Variants in TMEM150C observed in about 807,000 individuals in gnomAD.
The protein encoded by TMEM150C is transmembrane protein 150C.
In TMEM150C, 10 loss-of-function variants were observed where a neutral mutation model predicts 29.9. The observed-to-expected ratio is 0.33, with a 90% CI of 0.21 to 0.57. TMEM150C has a LOEUF of 0.57. Ranked by LOEUF, TMEM150C falls within the 20% of genes least tolerant of loss-of-function variation. The pLI is 0.88. For missense variants in TMEM150C, 251 were observed against 303.6 expected (o/e 0.83, Z 1.29); for synonymous variants, 101 against 112.5 (o/e 0.90, Z 0.64).
intron 1 of TMEM150C, among the ~76,000 whole-genome samples, chr4:82,514,853 G>T (rs12506540): frequency 0.095 from 14,434 of 151,870 alleles, 968 homozygotes; most frequent in African/African-American, 0.19. Flanking sequence ...GAGCCCCTTC[G>T]CCCCTCACTG....
chr4:82,501,951 T>C (rs1443314344), intron 5 of TMEM150C, among the ~76,000 whole-genome samples: 1 of 152,120 alleles, frequency 6.6e-6, no homozygotes, highest in African/African-American at 2.4e-5. Flanking sequence ...GTGGGAAGGA[T>C]GGGCTGTCTT....
chr4:82,489,197 G>C (rs1723255236), intron 7 of TMEM150C, among the ~76,000 whole-genome samples: 1 of 151,556 alleles, frequency 6.6e-6, no homozygotes, highest in South Asian at 2.1e-4. Context: ...CCACTCCATG[G>C]AATGAGTGAC....
intron 6 of TMEM150C, chr4:82,495,430 G>C (rs1402170702): frequency 3.2e-6 from 1 of 314,142 alleles, no homozygotes; most frequent in Non-Finnish European, 6.1e-6. Flanking sequence ...GACAGAGCGA[G>C]ACTCCGTCTC....
rs1205655037 is a variant in TMEM150C, at chr4:82,503,130, G to A, written c.81-18C>T. On this transcript the variant is annotated intron_variant, in intron 2 of 7. Transcript: ENST00000449862. ...TGAAGTATCTATCAAAAAAGAATAA[G>A]TTTATAGAACAAAGAAATTGGAAAA... The A allele has an allele frequency of 1.3e-6, 2 of 1,547,134 alleles. No individual in the cohort carries two copies. The highest frequency in any genetic ancestry group is 8.9e-7 in the Non-Finnish European group (1 of 1,129,392).
rs916096012 is a variant in TMEM150C at position 82,514,894 on chromosome 4, GA to G, written c.-10-10228del. Among the ~76,000 whole-genome samples the G allele has an allele frequency of 6.0e-5, 9 of 151,152 alleles. 1 individual carries two copies. Among genetic ancestry groups the G allele is most frequent in the African/African-American group, 9.7e-5 (4 of 41,132 alleles). ...AAATAGCCACCATGGACTGTTATGT[GA>G]AAAAAAAATTCATTTTTAAGCCACA... On this transcript the variant is annotated intron_variant, in intron 1 of 7. Transcript: ENST00000449862.
chr4:82,535,030 G>C (rs1488893030), intron 1 of TMEM150C, among the ~76,000 whole-genome samples: 1 of 152,222 alleles, frequency 6.6e-6, no homozygotes, highest in East Asian at 1.9e-4. Context: ...AATTGTTTCT[G>C]TGTCAATTCT....
In TMEM150C at chr4:82,553,940, C is replaced by T. The variant is rs537995363; in HGVS notation, c.-11+7966G>A. Among the ~76,000 whole-genome samples the T allele has an allele frequency of 9.9e-5, 15 of 152,258 alleles. No homozygotes were observed. The East Asian group carries it at 2.7e-3, about 27-fold the overall frequency. On this transcript the variant is annotated intron_variant, in intron 1 of 7. Coordinates refer to ENST00000449862, the MANE Select transcript of TMEM150C (RefSeq NM_001080506.3). ...TTTCATATAAATCAATTTTATGCCA[C>T]ATATAAGCTGAAATTAAAATGGGGA...
Position 82,485,537 on chromosome 4 carries a change from A to C in TMEM150C, c.724T>G (p.Ser242Ala). Reference sequence around the variant, plus strand: ...TACACCTGGTCAGTCTGATATTCAGAAGCTTCTGACAGGCTTTCTGAGAAG... The same window carrying C: ...TACACCTGGTCAGTCTGATATTCAGCAGCTTCTGACAGGCTTTCTGAGAAG... The part of the protein sequence containing the change: ...LSFSESLSEA[S>A]EYQTDQV Residue 242 changes from serine to alanine, a missense_variant, in exon 8 of 8, where the codon TCT becomes GCT. Physicochemically the swap from Ser to Ala is moderately conservative, Grantham distance 99. Coordinates refer to ENST00000449862, the MANE Select transcript of TMEM150C (RefSeq NM_001080506.3). 1 of 1,605,958 alleles carries C rather than the reference A, an allele frequency of 6.2e-7. No homozygotes were observed.
At chr4:82,552,089 T>G (rs1725600676) in intron 1 of TMEM150C, among the ~76,000 whole-genome samples, 1 of 152,094 alleles carries the variant, frequency 6.6e-6, no homozygotes, top group Non-Finnish European at 1.5e-5. Context: ...GGCATGTGAT[T>G]TCTGCACACA....
chr4:82,498,419 A>G (rs1345043429), intron 5 of TMEM150C, among the ~76,000 whole-genome samples: 1 of 152,184 alleles, frequency 6.6e-6, no homozygotes, highest in African/African-American at 2.4e-5. Flanking sequence ...CCTCCTGAGC[A>G]GCTGGGACTA....
Position 82,524,746 on chromosome 4 carries a change from C to T in TMEM150C, c.-10-20079G>A, listed in dbSNP as rs145056097. ...TACGTAATCACGAATGCAAATGTAGCAACTTTGATAATGCAAACAAGTCCT... is the reference window on the plus strand; with the variant it reads ...TACGTAATCACGAATGCAAATGTAGTAACTTTGATAATGCAAACAAGTCCT... On this transcript the variant is annotated intron_variant, in intron 1 of 7. Transcript: ENST00000449862. Among the ~76,000 whole-genome samples the T allele has an allele frequency of 3.2e-3, 489 of 152,270 alleles. 1 individual carries two copies. Among genetic ancestry groups the T allele is most frequent in the African/African-American group, 0.011 (438 of 41,542 alleles).
At chr4:82,551,462 C>A (rs1011488788) in intron 1 of TMEM150C, among the ~76,000 whole-genome samples, 1 of 152,122 alleles carries the variant, frequency 6.6e-6, no homozygotes, top group Non-Finnish European at 1.5e-5. Context: ...TGGTAAAGGT[C>A]AGTTAAAATA....
chr4:82,483,813 G>A lies in TMEM150C; in HGVS notation c.*1698C>T, dbSNP rs1255832833. 6.7e-6 allele frequency: 1 copy of A among 149,360 alleles called. No homozygotes were observed. The highest frequency in any genetic ancestry group is 1.5e-5 in the Non-Finnish European group (1 of 67,646). 9.3% of individuals were successfully genotyped at this position (149,360 alleles called of 1,614,324 possible). ...CTTTTTTTCTTTTTTTTTTGAGATG[G>A]AGTTTTTAGCTCTTTTTGCCCAGGC... On this transcript the variant is annotated 3_prime_UTR_variant, in exon 8 of 8. Coordinates refer to ENST00000449862, the MANE Select transcript of TMEM150C (RefSeq NM_001080506.3).
At chr4:82,543,689 G>A (rs1466549481) in intron 1 of TMEM150C, among the ~76,000 whole-genome samples, 1 of 152,140 alleles carries the variant, frequency 6.6e-6, no homozygotes, top group African/African-American at 2.4e-5. Context: ...TCATTCAAGA[G>A]CTAAACAATG....
chr4:82,492,792 C>CAAAA (rs1192509650), intron 6 of TMEM150C, among the ~76,000 whole-genome samples: 1 of 51,850 alleles, frequency 1.9e-5, no homozygotes, highest in African/African-American at 8.2e-5. Flanking sequence ...TCCACTTCTC[C>CAAAA]AAAAAAAAAA....
At chr4:82,559,084 A>C (rs1383292155) in intron 1 of TMEM150C, among the ~76,000 whole-genome samples, 1 of 152,190 alleles carries the variant, frequency 6.6e-6, no homozygotes, top group Admixed American at 6.5e-5. Context: ...CCTGCCTGCA[A>C]AACATTGCTC....
At chr4:82,489,920 T>C (rs912855573) in intron 7 of TMEM150C, 141 bp downstream of exon 7, 2 of 784,006 alleles carry the variant, frequency 2.6e-6, no homozygotes, top group Non-Finnish European at 4.0e-6. Context: ...CTGAGGGTTT[T>C]TGTTTTTATA....
At chr4:82,507,281 G>T (rs909220642) in intron 1 of TMEM150C, among the ~76,000 whole-genome samples, 9 of 152,142 alleles carry the variant, frequency 5.9e-5, no homozygotes, top group African/African-American at 1.9e-4. Context: ...ACAATGGGAG[G>T]CACAATTGTC....
intron 1 of TMEM150C, among the ~76,000 whole-genome samples, chr4:82,559,668 T>C (rs1725854949): frequency 1.3e-5 from 2 of 152,242 alleles, no homozygotes; most frequent in South Asian, 4.1e-4. Context: ...TATAATGTTT[T>C]GGGAACTTCA....
Sources: gnomAD v4.1 joint callset for allele counts (sites outside exome capture counted in the v4.1 genomes callset) on GRCh38, gnomAD v4.1.1 for gene constraint, MANE v1.5 for transcripts, NCBI Gene and HGNC (gene_info 2026-07-23, HGNC 2026-07-21) for gene names.